The following PASD1 variants were observed in gnomAD, a reference collection of about 807,000 sequenced individuals.
PASD1 encodes the protein circadian clock protein PASD1.
Under a neutral mutation model 58.8 loss-of-function variants are expected in PASD1, and 13 were observed. The ratio of observed to expected loss-of-function variants is 0.22; its 90% CI spans 0.14 to 0.35. PASD1 has a LOEUF of 0.35. Among genes scored for constraint, PASD1 ranks in the 10% least tolerant of loss-of-function variants. The pLI, the probability that PASD1 is intolerant of heterozygous loss-of-function variation, is 1.00. For missense variants in PASD1, 734 were observed against 568.3 expected, an observed-to-expected ratio of 1.29 and a Z score of -2.96; for synonymous variants, 236 against 216.7, an observed-to-expected ratio of 1.09 and a Z score of -0.78.
At position 151,672,526 on chromosome X, in the gene PASD1, C is replaced by T. The variant is rs747487041; in HGVS notation, c.1781C>T (p.Ser594Phe). ...TGCCTGCAAAACCCACGTGACGTAT[C>T]TGTGCCCCTCTGCAATCACCCTGTT... ...QICLQNPRDV[S>F]VPLCNHPVRF... is the part of the protein sequence containing the mutation. The change falls in exon 14 of 16, where the codon TCT (serine) becomes TTT (phenylalanine). Residue 594 changes from serine (S) to phenylalanine (F), a missense_variant. By Grantham distance (155) the Ser-to-Phe change is radical (BLOSUM62 -2). Coordinates refer to ENST00000370357, the MANE Select transcript of PASD1 (RefSeq NM_173493.3). The T allele has an allele frequency of 2.4e-5, 29 of 1,210,216 alleles. No individual in the cohort carries two copies. The highest frequency in any genetic ancestry group is 3.1e-5 in the Non-Finnish European group (28 of 895,344).
chrX:151,676,372 G>T lies in PASD1; in HGVS notation c.*229G>T, dbSNP rs4363323. 68,278 of 310,442 alleles carry T rather than the reference G, an allele frequency of 0.22. 5,806 individuals are homozygous for T. Among genetic ancestry groups the T allele is most frequent in the Middle Eastern group, 0.35 (393 of 1,128 alleles). 25.6% of individuals were successfully genotyped at this position (310,442 alleles called of 1,213,427 possible). The stretch of plus-strand genomic sequence containing the variant: ...CCTGTGATCCGTAGTATGCTAGGGT[G>T]TGACAGCAGCCAGCCACAGCTGGAT... On this transcript the variant is annotated 3_prime_UTR_variant, in exon 16 of 16. Transcript: ENST00000370357.
intron 10 of PASD1, among the ~76,000 whole-genome samples, chrX:151,663,730 T>G (rs1402321837): frequency 8.9e-6 from 1 of 112,268 alleles, no homozygotes; most frequent in East Asian, 2.8e-4. Context: ...CAGAGAACTT[T>G]GAGCACTCCC....
intron 8 of PASD1, among the ~76,000 whole-genome samples, chrX:151,637,379 TTG>T (rs2013943575): frequency 9.0e-6 from 1 of 111,385 alleles, no homozygotes; most frequent in Non-Finnish European, 1.9e-5. Flanking sequence ...TGTTTTTTGT[TTG>T]TTTGTTTGTT....
chrX:151,650,086 C>T (rs1171932340), intron 9 of PASD1, among the ~76,000 whole-genome samples: 1 of 111,919 alleles, frequency 8.9e-6, no homozygotes, highest in East Asian at 2.8e-4. Flanking sequence ...TAGAAGAATG[C>T]TAATTTAGAC....
At chrX:151,567,814 C>T (rs918285652) in intron 1 of PASD1, among the ~76,000 whole-genome samples, 6 of 112,061 alleles carry the variant, frequency 5.4e-5, no homozygotes, top group East Asian at 2.8e-4. Flanking sequence ...CTCTGCCTGC[C>T]GGGCTCAAGC....
intron 1 of PASD1, among the ~76,000 whole-genome samples, chrX:151,596,416 T>A (rs2013322976): frequency 8.9e-6 from 1 of 111,734 alleles, no homozygotes; most frequent in South Asian, 3.8e-4. Context: ...GAGTGAGAAC[T>A]CACGACCAGG....
At chrX:151,645,417 G>A (rs946507318) in intron 8 of PASD1, among the ~76,000 whole-genome samples, 5 of 112,084 alleles carry the variant, frequency 4.5e-5, no homozygotes, top group Admixed American at 3.8e-4. Context: ...CATTTATACA[G>A]CAAGTAGAAG....
chrX:151,670,684 G>C (rs1201833233), intron 11 of PASD1, among the ~76,000 whole-genome samples: 1 of 111,869 alleles, frequency 8.9e-6, no homozygotes, highest in African/African-American at 3.3e-5. Flanking sequence ...GCTAACAGGG[G>C]CCCTATTGGT....
intron 15 of PASD1, among the ~76,000 whole-genome samples, chrX:151,674,631 T>A (rs1158250009): frequency 4.4e-5 from 5 of 112,546 alleles, no homozygotes; most frequent in Admixed American, 3.7e-4. Context: ...ATCTATGGGG[T>A]ACCCCGTATT....
At chrX:151,649,472 A>C (rs1472451288) in intron 9 of PASD1, among the ~76,000 whole-genome samples, 1 of 111,788 alleles carries the variant, frequency 8.9e-6, no homozygotes, top group Non-Finnish European at 1.9e-5. Flanking sequence ...CAGTTTCCTC[A>C]TCTGTAAAAT....
rs999714364 is a variant in PASD1, at chrX:151,600,087, A to G, written c.-27-1440A>G. On this transcript the variant is annotated intron_variant, in intron 1 of 15. Transcript: ENST00000370357. The stretch of plus-strand genomic sequence containing the variant: ...AGACCAGCCCGGCCAACAAGGCGAA[A>G]CCCCGTCTCCACCAAAAAATACGAA... Among the ~76,000 whole-genome samples, 3 of 111,998 alleles carry G rather than the reference A, an allele frequency of 2.7e-5. No individual in the cohort carries two copies. In the Admixed American group the frequency reaches 2.8e-4, roughly 11 times the overall value.
chrX:151,614,559 A>G (rs1263004672), intron 4 of PASD1, among the ~76,000 whole-genome samples: 2 of 112,253 alleles, frequency 1.8e-5, no homozygotes, highest in Non-Finnish European at 3.8e-5. Context: ...GATATGAAGA[A>G]ATTGAAACCC....
chrX:151,662,828 C>T (rs1178470656), intron 10 of PASD1, among the ~76,000 whole-genome samples: 1 of 111,999 alleles, frequency 8.9e-6, no homozygotes, highest in Non-Finnish European at 1.9e-5. Flanking sequence ...AATTGCTAAC[C>T]TGTACCCCTT....
intron 1 of PASD1, among the ~76,000 whole-genome samples, chrX:151,569,813 A>G (rs2012901314): frequency 9.1e-6 from 1 of 110,450 alleles, no homozygotes; most frequent in African/African-American, 3.3e-5. Context: ...ATTAGAGATA[A>G]TTTTAAGTGA....
intron 1 of PASD1, among the ~76,000 whole-genome samples, chrX:151,575,752 C>A (rs2012995171): frequency 9.0e-6 from 1 of 111,086 alleles, no homozygotes; most frequent in African/African-American, 3.3e-5. Context: ...TTCCAGGGCT[C>A]AAGCAATTAT....
intron 1 of PASD1, among the ~76,000 whole-genome samples, chrX:151,592,549 G>T (rs1203383957): frequency 9.0e-6 from 1 of 111,729 alleles, no homozygotes; most frequent in African/African-American, 3.2e-5. Context: ...TTAGATTATT[G>T]AAGTTTTTGG....
At chrX:151,646,195 A>G (rs753073901) in intron 8 of PASD1, among the ~76,000 whole-genome samples, 3 of 112,224 alleles carry the variant, frequency 2.7e-5, no homozygotes, top group Admixed American at 1.9e-4. Flanking sequence ...TTTATGTTCT[A>G]CATCAAATAT....
At chrX:151,614,815 G>A (rs1450703131) in intron 4 of PASD1, among the ~76,000 whole-genome samples, 2 of 111,667 alleles carry the variant, frequency 1.8e-5, no homozygotes, top group African/African-American at 6.5e-5. Context: ...GGCCTTCTTG[G>A]AAGCTCAGAG....
chrX:151,665,111 C>A (rs966935959), intron 11 of PASD1, among the ~76,000 whole-genome samples: 4 of 112,042 alleles, frequency 3.6e-5, no homozygotes, highest in African/African-American at 6.5e-5. Flanking sequence ...TAATTAAGGG[C>A]TAGAACACAA....
Sources: gnomAD v4.1 joint callset for allele counts (sites outside exome capture counted in the v4.1 genomes callset) on GRCh38, gnomAD v4.1.1 for gene constraint, MANE v1.5 for transcripts, NCBI Gene and HGNC (gene_info 2026-07-23, HGNC 2026-07-21) for gene names.